GPR155: variants seen among roughly 807,000 people sequenced by gnomAD.
GPR155 encodes G protein-coupled receptor 155.
In GPR155, 65 loss-of-function variants were observed where a neutral mutation model predicts 93.1. That is an observed-to-expected ratio of 0.70 (90% confidence interval 0.57 to 0.86). GPR155 has a LOEUF of 0.86. Ranked by LOEUF, GPR155 falls within the 40% of genes least tolerant of loss-of-function variation. GPR155 has a pLI of 0.00. For synonymous variants in GPR155, 319 were observed against 360.1 expected (o/e 0.89, Z 1.29); for missense variants, 838 against 1,034.8 (o/e 0.81, Z 2.61).
chr2:174,452,209 A>T (rs1022782087), intron 11 of GPR155, among the ~76,000 whole-genome samples: 1 of 152,234 alleles, frequency 6.6e-6, no homozygotes, highest in Non-Finnish European at 1.5e-5. Context: ...AAAGAAAAAA[A>T]AGTCAATGAA....
At chr2:174,443,990 TAG>T (rs1317968655) in intron 13 of GPR155, among the ~76,000 whole-genome samples, 4 of 152,344 alleles carry the variant, frequency 2.6e-5, no homozygotes, top group African/African-American at 7.2e-5. Flanking sequence ...GGTTGGCACA[TAG>T]TAGACTATCA....
chr2:174,446,953 T>C (rs1687150885), intron 11 of GPR155, among the ~76,000 whole-genome samples: 2 of 152,178 alleles, frequency 1.3e-5, no homozygotes, highest in African/African-American at 4.8e-5. Flanking sequence ...AAAACATAAG[T>C]AGAATACAAT....
At chr2:174,465,747 G>T in intron 7 of GPR155, 38 bp downstream of exon 7, 1 of 979,908 alleles carries the variant, frequency 1.0e-6, no homozygotes, top group Non-Finnish European at 1.6e-6. Flanking sequence ...GGGTGGGGTG[G>T]GGAACAGATC....
At position 174,481,759 on chromosome 2, in the gene GPR155, T is replaced by C. The variant is rs370610270; in HGVS notation, c.198A>G (p.Thr66=). ...TTCCTAGTCCTTTGGCCTGGGTTGA[T>C]GTTATGACATTGGCCCTTCCTGCTA... The part of the protein sequence containing the change: ...GYIAGRANVI[T]STQAKGLGNF... Residue 66 remains threonine (T), a synonymous_variant, in exon 2 of 16, where the codon ACA becomes ACG. Coordinates refer to ENST00000392552, the MANE Select transcript of GPR155 (RefSeq NM_152529.7). 5.8e-5 allele frequency: 94 copies of C among 1,614,110 alleles called. No individual in the cohort carries two copies. The highest frequency in any genetic ancestry group is 4.9e-4 in the Middle Eastern group (3 of 6,084).
Position 174,484,371 on chromosome 2 carries a change from G to A in GPR155, c.-31-2384C>T, listed in dbSNP as rs569694285. On this transcript the variant is annotated intron_variant, in intron 1 of 15. Transcript: ENST00000392552. Reference sequence around the variant, plus strand: ...GACGGTGTGTACTTGGAAAGGCAGTGCTAAACAGGAAAGTGATAAATTAAT... The same window carrying A: ...GACGGTGTGTACTTGGAAAGGCAGTACTAAACAGGAAAGTGATAAATTAAT... 3.2e-4 allele frequency among the ~76,000 whole-genome samples: 48 copies of A among 152,352 alleles called. 1 individual carries two copies. Among genetic ancestry groups the A allele is most frequent in the African/African-American group, 1.0e-3 (43 of 41,580 alleles).
Position 174,443,431 on chromosome 2 carries a change from T to C in GPR155, c.2110-1248A>G, listed in dbSNP as rs72923873. 5.8e-3 allele frequency among the ~76,000 whole-genome samples: 884 copies of C among 152,330 alleles called. 9 individuals are homozygous for C. The highest frequency in any genetic ancestry group is 8.9e-3 in the Non-Finnish European group (603 of 68,028). On this transcript the variant is annotated intron_variant, in intron 13 of 15. Coordinates refer to ENST00000392552, the MANE Select transcript of GPR155 (RefSeq NM_152529.7). ...ACTCAGTCTGTGGACTAATATTCTG[T>C]AATGCAAAAGTAAGGGCTGGGTGCG...
intron 15 of GPR155, among the ~76,000 whole-genome samples, chr2:174,438,412 A>G (rs1686855058): frequency 1.3e-5 from 2 of 152,216 alleles, no homozygotes; most frequent in Admixed American, 6.5e-5. Flanking sequence ...TGCAAAAGCT[A>G]TGCTTCCTTC....
At chr2:174,447,895 A>G (rs1239519523) in intron 11 of GPR155, among the ~76,000 whole-genome samples, 1 of 150,204 alleles carries the variant, frequency 6.7e-6, no homozygotes, top group Non-Finnish European at 1.5e-5. Context: ...TATAATTTTA[A>G]AGGCCGAATT....
chr2:174,459,921 T>C lies in GPR155; in HGVS notation c.1728A>G (p.Pro576=). 2 of 1,614,042 alleles carry C rather than the reference T, an allele frequency of 1.2e-6. No homozygotes were observed. Among genetic ancestry groups the C allele is most frequent in the Admixed American group, 1.7e-5 (1 of 60,010 alleles). The part of the protein sequence containing the change: ...GNTAFEESPA[P]VNEPELFTSS... Reference sequence around the variant, plus strand: ...TTGTAAAAAGTTCTGGTTCATTTACTGGTGCTGGACTCTCCTCAAAAGCAG... The same window carrying C: ...TTGTAAAAAGTTCTGGTTCATTTACCGGTGCTGGACTCTCCTCAAAAGCAG... Residue 576 remains proline (P), a synonymous_variant, in exon 10 of 16, where the codon CCA becomes CCG. Coordinates refer to ENST00000392552, the MANE Select transcript of GPR155 (RefSeq NM_152529.7).
At position 174,433,231 on chromosome 2, in the gene GPR155, T is replaced by A. The variant is rs2105650589; in HGVS notation, c.*2885A>T. On this transcript the variant is annotated 3_prime_UTR_variant, in exon 16 of 16. Coordinates refer to ENST00000392552, the MANE Select transcript of GPR155 (RefSeq NM_152529.7). ...TAAACTAGCACTGACATCTAATAAT[T>A]AAGATGCTCAAAGGTCATCTAAATA... The A allele has an allele frequency of 6.6e-6, 1 of 152,300 alleles. No homozygotes were observed. Among genetic ancestry groups the A allele is most frequent in the South Asian group, 2.1e-4 (1 of 4,832 alleles). The allele number at this position is 152,300 out of a possible 1,614,324, so 9.4% of individuals were successfully genotyped here.
chr2:174,460,620 C>CA (rs1177092191), intron 9 of GPR155, among the ~76,000 whole-genome samples: 1 of 152,150 alleles, frequency 6.6e-6, no homozygotes, highest in Non-Finnish European at 1.5e-5. Flanking sequence ...ATGCTTCTTT[C>CA]ATGTATAACA....
chr2:174,468,966 T>C lies in GPR155; in HGVS notation c.1128A>G (p.Ala376=), dbSNP rs1401196177. 6.2e-7 allele frequency: 1 copy of C among 1,614,038 alleles called. No homozygotes were observed. The highest frequency in any genetic ancestry group is 1.1e-5 in the South Asian group (1 of 91,082). Residue 376 remains alanine, a synonymous_variant, in exon 5 of 16, where the codon GCA becomes GCG. Transcript: ENST00000392552. ...CAAAACTAACATTCTGGATGGCATATGCCAATGGCTTAGGGTCCATAGTGG... is the reference window on the plus strand; with the variant it reads ...CAAAACTAACATTCTGGATGGCATACGCCAATGGCTTAGGGTCCATAGTGG... ...TFPTMDPKPL[A]YAIQNVSFDI... is the part of the protein sequence containing the mutation.
At chr2:174,472,846 TC>T in intron 3 of GPR155, 118 bp downstream of exon 3, 1 of 740,684 alleles carries the variant, frequency 1.4e-6, no homozygotes, top group East Asian at 2.7e-5. Context: ...TCACAACTAT[TC>T]TACAAGGAGG....
chr2:174,474,842 AAAC>A (rs1179506587), intron 2 of GPR155, among the ~76,000 whole-genome samples: 4 of 152,146 alleles, frequency 2.6e-5, no homozygotes, highest in African/African-American at 4.8e-5. Context: ...GCCTTTCAGT[AAAC>A]AACTGGTCTC....
chr2:174,454,384 G>A (rs1028012666), intron 10 of GPR155, among the ~76,000 whole-genome samples: 16 of 152,100 alleles, frequency 1.1e-4, no homozygotes, highest in African/African-American at 2.9e-4. Flanking sequence ...CGATCTGCCC[G>A]CCTCGGCCTC....
chr2:174,450,261 G>A (rs573673280), intron 11 of GPR155, among the ~76,000 whole-genome samples: 52 of 152,264 alleles, frequency 3.4e-4, no homozygotes, highest in African/African-American at 1.2e-3. Flanking sequence ...TTATAAGTGG[G>A]AACTAAACAT....
chr2:174,453,659 CAAAAAAAAGAAA>C (rs1687394937), intron 11 of GPR155, 66 bp downstream of exon 11: 2 of 426,678 alleles, frequency 4.7e-6, no homozygotes, highest in East Asian at 3.3e-5. Context: ...GACTCCGTCT[CAAAAAAAAGAAA>C]AAAAAAAAAA....
Position 174,433,394 on chromosome 2 carries a change from C to T in GPR155, c.*2722G>A, listed in dbSNP as rs1686691831. Reference sequence around the variant, plus strand: ...TGTTTTTCACAGGAGAATAGAAGCTCCATGAGGATAGGAATCATATTTGTT... The same window carrying T: ...TGTTTTTCACAGGAGAATAGAAGCTTCATGAGGATAGGAATCATATTTGTT... On this transcript the variant is annotated 3_prime_UTR_variant, in exon 16 of 16. Coordinates refer to ENST00000392552, the MANE Select transcript of GPR155 (RefSeq NM_152529.7). The T allele has an allele frequency of 6.6e-6, 1 of 152,156 alleles. No individual in the cohort carries two copies. Among genetic ancestry groups the T allele is most frequent in the African/African-American group, 2.4e-5 (1 of 41,440 alleles). 9.4% of individuals were successfully genotyped at this position (152,156 alleles called of 1,614,324 possible). A position where few individuals can be genotyped will look rare whatever the true frequency, so the allele number is the denominator to read the frequency against.
Position 174,436,104 on chromosome 2 carries a change from C to A in GPR155, c.*12G>T, listed in dbSNP as rs202020371. On this transcript the variant is annotated 3_prime_UTR_variant, in exon 16 of 16. Coordinates refer to ENST00000392552, the MANE Select transcript of GPR155 (RefSeq NM_152529.7). ...AGAATATGATTCCATGTAGGGTTCT[C>A]CCCTGCATAATTTAGGTCTTAGGGG... The A allele has an allele frequency of 1.2e-6, 2 of 1,600,846 alleles. No homozygotes were observed. The highest frequency in any genetic ancestry group is 1.1e-5 in the South Asian group (1 of 90,540).
Sources: gnomAD v4.1 joint callset for allele counts (sites outside exome capture counted in the v4.1 genomes callset) on GRCh38, gnomAD v4.1.1 for gene constraint, MANE v1.5 for transcripts, NCBI Gene and HGNC (gene_info 2026-07-23, HGNC 2026-07-21) for gene names.